The following ROBO2 variants were observed in gnomAD, a reference collection of about 807,000 sequenced individuals.
ROBO2 encodes the protein roundabout homolog 2.
Under a neutral mutation model 160.8 loss-of-function variants are expected in ROBO2, and 53 were observed. The observed-to-expected ratio is 0.33, with a 90% CI of 0.26 to 0.41. The LOEUF (loss-of-function observed/expected upper bound fraction) is 0.41, where lower values mean the gene tolerates loss of function less well. Among genes scored for constraint, ROBO2 ranks in the 10% least tolerant of loss-of-function variants. The pLI, the probability that ROBO2 is intolerant of heterozygous loss-of-function variation, is 1.00. For missense variants in ROBO2, 1,577 were observed against 1,722.4 expected (o/e 0.92, Z 1.49); for synonymous variants, 664 against 611.7 (o/e 1.09, Z -1.26).
chr3:76,570,609 A>G (rs1189206171), intron 2 of ROBO2, among the ~76,000 whole-genome samples: 1 of 152,198 alleles, frequency 6.6e-6, no homozygotes, highest in Non-Finnish European at 1.5e-5. Context: ...GCAAACTGCA[A>G]CTTTTCATCT....
intron 2 of ROBO2, among the ~76,000 whole-genome samples, chr3:77,137,085 C>T (rs1017227914): frequency 6.6e-6 from 1 of 151,954 alleles, no homozygotes; most frequent in African/African-American, 2.4e-5. Context: ...CATCCAGCCT[C>T]TTTTCTAATT....
chr3:77,331,808 C>T (rs1029996031), intron 2 of ROBO2, among the ~76,000 whole-genome samples: 8 of 152,218 alleles, frequency 5.3e-5, no homozygotes, highest in Admixed American at 1.3e-4. Flanking sequence ...CAGGTTCAAG[C>T]GATTCTCCTG....
intron 2 of ROBO2, among the ~76,000 whole-genome samples, chr3:76,270,880 C>T (rs1378982271): frequency 6.6e-6 from 1 of 152,046 alleles, no homozygotes; most frequent in African/African-American, 2.4e-5. Context: ...AAGCCGATTT[C>T]TTTATAGCTG....
chr3:76,747,559 A>G (rs1057008754), intron 2 of ROBO2, among the ~76,000 whole-genome samples: 1 of 152,078 alleles, frequency 6.6e-6, no homozygotes, highest in Non-Finnish European at 1.5e-5. Flanking sequence ...TATGTGAATG[A>G]AACTGCATGT....
chr3:76,404,296 T>C (rs531647200), intron 2 of ROBO2, among the ~76,000 whole-genome samples: 3 of 151,646 alleles, frequency 2.0e-5, no homozygotes, highest in Non-Finnish European at 4.4e-5. Flanking sequence ...AATATATCAC[T>C]GAGAATTTAG....
At chr3:77,649,328 GT>G (rs1446410061) in exon 26 of ROBO2, 4 of 152,182 alleles carry the variant, frequency 2.6e-5, no homozygotes, top group African/African-American at 9.6e-5. Flanking sequence ...TGAGTTGAAA[GT>G]TTGTAATGTG....
intron 2 of ROBO2, among the ~76,000 whole-genome samples, chr3:76,276,465 C>A (rs1205863764): frequency 6.6e-6 from 1 of 152,032 alleles, no homozygotes; most frequent in Non-Finnish European, 1.5e-5. Context: ...TATAGAACTT[C>A]TATCAAACTG....
chr3:77,617,995 C>G, intron 22 of ROBO2: 1 of 564,684 alleles, frequency 1.8e-6, no homozygotes. Flanking sequence ...GGAGCTGTAA[C>G]TGTAACTGTA....
At chr3:77,279,412 A>C (rs2153369057) in intron 2 of ROBO2, among the ~76,000 whole-genome samples, 1 of 152,258 alleles carries the variant, frequency 6.6e-6, no homozygotes, top group East Asian at 1.9e-4. Context: ...GTTTGTAATT[A>C]ACAAATTAGC....
chr3:76,171,247 G>A (rs76871687), intron 2 of ROBO2, among the ~76,000 whole-genome samples: 12,748 of 151,196 alleles, frequency 0.084, 727 homozygotes, highest in Non-Finnish European at 0.12. Flanking sequence ...TAAGCCCACC[G>A]TAGCTTCTCT....
At chr3:77,414,579 A>C (rs750794734) in intron 2 of ROBO2, among the ~76,000 whole-genome samples, 9 of 152,256 alleles carry the variant, frequency 5.9e-5, no homozygotes, top group Admixed American at 5.9e-4. Flanking sequence ...GTACTTGAGC[A>C]GACAAAACAA....
At chr3:77,519,075 TATTA>T (rs1260839476) in intron 5 of ROBO2, among the ~76,000 whole-genome samples, 1 of 151,512 alleles carries the variant, frequency 6.6e-6, no homozygotes, top group East Asian at 1.9e-4. Flanking sequence ...TAGTCTCTTT[TATTA>T]ATTGTTAAGA....
intron 2 of ROBO2, among the ~76,000 whole-genome samples, chr3:76,553,374 T>A (rs563251541): frequency 4.6e-5 from 7 of 152,160 alleles, no homozygotes; most frequent in Non-Finnish European, 1.5e-5. Context: ...ATATGTCACA[T>A]GCTACCCGGT....
chr3:77,316,984 T>C (rs970193951), intron 2 of ROBO2: 18 of 1,506,874 alleles, frequency 1.2e-5, no homozygotes, highest in African/African-American at 8.3e-5. Context: ...CCAGACGAGA[T>C]TGACAGCGGT....
At chr3:76,599,028 G>A (rs1300238428) in intron 2 of ROBO2, among the ~76,000 whole-genome samples, 1 of 152,040 alleles carries the variant, frequency 6.6e-6, no homozygotes, top group Non-Finnish European at 1.5e-5. Context: ...CGTTCTACAT[G>A]TAAGAACTAC....
At chr3:76,657,269 C>A (rs1163259370) in intron 2 of ROBO2, among the ~76,000 whole-genome samples, 1 of 151,338 alleles carries the variant, frequency 6.6e-6, no homozygotes, top group Non-Finnish European at 1.5e-5. Context: ...ACTAAAAATA[C>A]AAAAAATTAT....
chr3:77,286,229 G>A (rs964031919), intron 2 of ROBO2, among the ~76,000 whole-genome samples: 1 of 149,998 alleles, frequency 6.7e-6, no homozygotes, highest in Non-Finnish European at 1.5e-5. Flanking sequence ...AAAAGTAATG[G>A]AAGCCTAGAA....
At chr3:76,852,447 A>G (rs988384323) in intron 2 of ROBO2, among the ~76,000 whole-genome samples, 6 of 152,180 alleles carry the variant, frequency 3.9e-5, no homozygotes, top group African/African-American at 7.2e-5. Flanking sequence ...GGATCTCAGT[A>G]TGTTCTAGCC....
chr3:77,505,490 T>G (rs1389430711), intron 5 of ROBO2, among the ~76,000 whole-genome samples: 5 of 152,182 alleles, frequency 3.3e-5, no homozygotes, highest in Admixed American at 3.3e-4. Flanking sequence ...CTCATCATTT[T>G]TAATCATGTA....
Sources: gnomAD v4.1 joint callset for allele counts (sites outside exome capture counted in the v4.1 genomes callset) on GRCh38, gnomAD v4.1.1 for gene constraint, MANE v1.5 for transcripts, NCBI Gene and HGNC (gene_info 2026-07-23, HGNC 2026-07-21) for gene names.